Variants in CLPB observed in about 807,000 individuals in gnomAD.
CLPB encodes mitochondrial disaggregase.
A neutral mutation model predicts 78.4 loss-of-function variants in CLPB; 40 were observed. That is an observed-to-expected ratio of 0.51 (90% confidence interval 0.40 to 0.66). The LOEUF is 0.66. Ranked by LOEUF, CLPB falls within the 30% of genes least tolerant of loss-of-function variation. The probability of loss-of-function intolerance (pLI) is 0.00; values close to 1 mark genes in which losing one functional copy is unlikely to be tolerated. For synonymous variants in CLPB, 333 were observed against 348.0 expected (o/e 0.96, Z 0.48); for missense variants, 780 against 886.9 (o/e 0.88, Z 1.53).
At chr11:72,340,788 C>T (rs1444789564) in intron 5 of CLPB, among the ~76,000 whole-genome samples, 2 of 152,222 alleles carry the variant, frequency 1.3e-5, no homozygotes. Context: ...TGTTACTGAA[C>T]TGCTTGGTGC....
rs1445990671 is a variant in CLPB, at chr11:72,287,827, CAATA to C, written c.*5536_*5539del. 1.3e-5 allele frequency: 2 copies of C among 152,138 alleles called. No individual in the cohort carries two copies. Among genetic ancestry groups the C allele is most frequent in the Non-Finnish European group, 1.5e-5 (1 of 68,034 alleles). The allele number at this position is 152,138 out of a possible 1,614,324, so 9.4% of individuals were successfully genotyped here. A position where few individuals can be genotyped will look rare whatever the true frequency, so the allele number is the denominator to read the frequency against. On this transcript the variant is annotated 3_prime_UTR_variant, in exon 16 of 16. Coordinates refer to ENST00000538039, the MANE Select transcript of CLPB (RefSeq NM_001258392.3). ...AGTTCTATTCTTCTTCTCAATTCCT[CAATA>C]TATATGGTTATGTCTAATTTCTCAT...
chr11:72,297,996 C>A (rs900402600), intron 11 of CLPB, among the ~76,000 whole-genome samples: 1 of 151,906 alleles, frequency 6.6e-6, no homozygotes, highest in African/African-American at 2.4e-5. Context: ...GCTGTCCGTG[C>A]CTCACCTCCC....
intron 5 of CLPB, among the ~76,000 whole-genome samples, chr11:72,334,483 C>T (rs1329155587): frequency 6.6e-6 from 1 of 152,252 alleles, no homozygotes; most frequent in Non-Finnish European, 1.5e-5. Context: ...CCTGCACCCT[C>T]GCTCTGACTT....
chr11:72,432,489 C>G (rs1856574682), intron 1 of CLPB, among the ~76,000 whole-genome samples: 1 of 152,168 alleles, frequency 6.6e-6, no homozygotes, highest in Non-Finnish European at 1.5e-5. Flanking sequence ...TACTGGCCCT[C>G]TGATCCCCCA....
chr11:72,308,891 G>T (rs1949793655), intron 7 of CLPB, among the ~76,000 whole-genome samples: 1 of 152,200 alleles, frequency 6.6e-6, no homozygotes, highest in Non-Finnish European at 1.5e-5. Flanking sequence ...GGTGGATGGT[G>T]AATGGAGGTG....
At chr11:72,350,583 T>C (rs1378342130) in intron 5 of CLPB, among the ~76,000 whole-genome samples, 3 of 152,216 alleles carry the variant, frequency 2.0e-5, no homozygotes, top group Non-Finnish European at 4.4e-5. Context: ...TACATATTTG[T>C]TAAAATAATA....
At chr11:72,357,803 G>C (rs537293264) in intron 5 of CLPB, among the ~76,000 whole-genome samples, 2 of 152,190 alleles carry the variant, frequency 1.3e-5, no homozygotes, top group Admixed American at 6.5e-5. Flanking sequence ...CTGTTGGAGA[G>C]GGTTCTGCTG....
At position 72,299,794 on chromosome 11, in the gene CLPB, A is replaced by G. The variant is rs1194660417; in HGVS notation, c.1329+2009T>C. ...AATGGAACCAAGAGCATCAGAAACT[A>G]TAGTAGGCTGGGGCTGGGGGAAGGG... On this transcript the variant is annotated intron_variant, in intron 11 of 15. Coordinates refer to ENST00000538039, the MANE Select transcript of CLPB (RefSeq NM_001258392.3). 2.6e-5 allele frequency among the ~76,000 whole-genome samples: 4 copies of G among 152,208 alleles called. No individual in the cohort carries two copies. In the East Asian group the frequency reaches 7.7e-4, roughly 29 times the overall value.
At chr11:72,406,464 TA>T (rs1188645524) in intron 2 of CLPB, among the ~76,000 whole-genome samples, 1 of 152,208 alleles carries the variant, frequency 6.6e-6, no homozygotes, top group Non-Finnish European at 1.5e-5. Context: ...TCTAGCTAGA[TA>T]ACTCTAAGCA....
chr11:72,403,108 A>G (rs1404412040), intron 2 of CLPB, 56 bp from the exon 3 acceptor site: 9 of 1,508,020 alleles, frequency 6.0e-6, no homozygotes, highest in Non-Finnish European at 3.7e-6. Flanking sequence ...GCACCTTCTG[A>G]CAACAGCCTA....
chr11:72,430,127 G>A (rs994331506), intron 2 of CLPB, among the ~76,000 whole-genome samples, 185 bp downstream of exon 2: 2 of 152,198 alleles, frequency 1.3e-5, no homozygotes, highest in East Asian at 3.9e-4. Context: ...ACTCCCTACC[G>A]AAAATATCCA....
At chr11:72,420,876 C>CCAG (rs1232858995) in intron 2 of CLPB, among the ~76,000 whole-genome samples, 1 of 152,126 alleles carries the variant, frequency 6.6e-6, no homozygotes, top group Non-Finnish European at 1.5e-5. Flanking sequence ...CTGGGTCTAC[C>CCAG]CAGCAGAACG....
At chr11:72,371,021 G>A (rs921132791) in intron 4 of CLPB, among the ~76,000 whole-genome samples, 3 of 152,064 alleles carry the variant, frequency 2.0e-5, no homozygotes, top group South Asian at 2.1e-4. Context: ...TAACATGTTC[G>A]TCTATCAGCG....
intron 10 of CLPB, 61 bp downstream of exon 10, chr11:72,302,243 C>A (rs1413183766): frequency 8.5e-6 from 13 of 1,536,192 alleles, no homozygotes; most frequent in Non-Finnish European, 1.2e-5. Flanking sequence ...TGACAAGACC[C>A]CGGCAGTCAT....
chr11:72,304,065 C>T (rs1949704910), intron 9 of CLPB: 1 of 152,198 alleles, frequency 6.6e-6, no homozygotes, highest in African/African-American at 2.4e-5. Flanking sequence ...GGACTATAGA[C>T]TCTCGTGCTT....
Position 72,294,233 on chromosome 11 carries a change from C to T in CLPB, c.1680+92G>A. The T allele has an allele frequency of 3.1e-6, 5 of 1,607,516 alleles. No homozygotes were observed. In the South Asian group the frequency reaches 3.3e-5, roughly 11 times the overall value. On this transcript the variant is annotated intron_variant, in intron 14 of 15. Coordinates refer to ENST00000538039, the MANE Select transcript of CLPB (RefSeq NM_001258392.3). The stretch of plus-strand genomic sequence containing the variant: ...ACTGGCCCCACACCACTGTGCTCCA[C>T]CTTTTATGTGTGTGGGGGTGCCCCC...
In CLPB at chr11:72,293,461, T is replaced by G; in HGVS notation, c.1940A>C (p.Lys647Thr). 1 of 1,614,144 alleles carries G rather than the reference T, an allele frequency of 6.2e-7. No individual in the cohort carries two copies. Among genetic ancestry groups the G allele is most frequent in the South Asian group, 1.1e-5 (1 of 91,074 alleles). ...PSPQAEKRLP[K>T]LRLEIIDKDS... The stretch of plus-strand genomic sequence containing the variant: ...CTTGTCGATGATCTCCAGACGCAGC[T>G]TGGGGAGGCGCTTCTCAGCCTGGGG... The change falls in exon 16 of 16, where the codon AAG (lysine) becomes ACG (threonine). Residue 647 changes from lysine (K) to threonine (T), a missense_variant. This residue lies in a region of CLPB where 272 missense variants were observed against 304.0 expected (regional missense o/e 0.89). Transcript: ENST00000538039.
chr11:72,347,738 T>C (rs1412694505), intron 5 of CLPB, among the ~76,000 whole-genome samples: 1 of 152,156 alleles, frequency 6.6e-6, no homozygotes, highest in Non-Finnish European at 1.5e-5. Context: ...CCTGTGAATA[T>C]GTTAGGGGAA....
At position 72,295,615 on chromosome 11, in the gene CLPB, C is replaced by A. The variant is rs764436479; in HGVS notation, c.1363G>T (p.Asp455Tyr). The change falls in exon 12 of 16, where the codon GAT (aspartate) becomes TAT (tyrosine). Residue 455 changes from aspartate (D) to tyrosine (Y), a missense_variant. By Grantham distance (160) the Asp-to-Tyr change is radical (BLOSUM62 -3). Coordinates refer to ENST00000538039, the MANE Select transcript of CLPB (RefSeq NM_001258392.3). The part of the protein sequence containing the change: ...RLTDGKGKTI[D>Y]CKDAIFIMTS... ...ATGATGAAGATGGCGTCCTTGCAAT[C>A]AATGGTCTTCCCTTTTCCATCTGTC... The A allele has an allele frequency of 3.1e-6, 5 of 1,614,112 alleles. No homozygotes were observed. Among genetic ancestry groups the A allele is most frequent in the South Asian group, 1.1e-5 (1 of 91,026 alleles).
Sources: gnomAD v4.1 joint callset for allele counts (sites outside exome capture counted in the v4.1 genomes callset) on GRCh38, gnomAD v4.1.1 for gene constraint, gnomAD v4.1.1 regional missense constraint, MANE v1.5 for transcripts, NCBI Gene and HGNC (gene_info 2026-07-23, HGNC 2026-07-21) for gene names.